ZCCHC10: variants seen among roughly 807,000 people sequenced by gnomAD.
ZCCHC10 encodes zinc finger CCHC-type containing 10.
ZCCHC10 carries 16 observed loss-of-function variants against 19.5 expected under a neutral mutation model. The ratio of observed to expected loss-of-function variants is 0.82; its 90% confidence interval spans 0.56 to 1.25. The LOEUF (loss-of-function observed/expected upper bound fraction) is 1.25. ZCCHC10 is among the 50% of genes most tolerant of loss of function. The probability of loss-of-function intolerance (pLI) is 0.00; values close to 1 mark genes in which losing one functional copy is unlikely to be tolerated. For synonymous variants in ZCCHC10, 67 were observed against 72.5 expected, an observed-to-expected ratio of 0.92 and a Z score of 0.38; for missense variants, 197 against 201.0, an observed-to-expected ratio of 0.98 and a Z score of 0.12.
At chr5:133,022,133 C>A (rs939628744) in intron 2 of ZCCHC10, among the ~76,000 whole-genome samples, 6 of 152,154 alleles carry the variant, frequency 3.9e-5, no homozygotes, top group Admixed American at 3.9e-4. Context: ...CTTTTTGACT[C>A]TTTTGTAATA....
At chr5:133,000,849 G>C (rs1173903499) in intron 3 of ZCCHC10, among the ~76,000 whole-genome samples, 1 of 151,378 alleles carries the variant, frequency 6.6e-6, no homozygotes, top group Non-Finnish European at 1.5e-5. Context: ...TATCATACTG[G>C]CCAGGCTGGT....
chr5:133,016,102 A>G (rs191615621), intron 2 of ZCCHC10, among the ~76,000 whole-genome samples: 18 of 152,152 alleles, frequency 1.2e-4, no homozygotes, highest in Admixed American at 1.3e-4. Context: ...GATTTCTGGT[A>G]CAACAACAAA....
chr5:133,019,332 TGA>T (rs1764140220), intron 2 of ZCCHC10: 1 of 222,414 alleles, frequency 4.5e-6, no homozygotes, highest in Non-Finnish European at 9.2e-6. Flanking sequence ...TAAAGATTGC[TGA>T]GTTAGACAAA....
At chr5:133,008,174 G>C (rs1216982950) in intron 2 of ZCCHC10, among the ~76,000 whole-genome samples, 2 of 147,350 alleles carry the variant, frequency 1.4e-5, no homozygotes, top group African/African-American at 5.1e-5. Context: ...GCAGTGAGCC[G>C]AGATTGCGCC....
At chr5:133,015,978 T>C (rs1338455281) in intron 2 of ZCCHC10, among the ~76,000 whole-genome samples, 4 of 152,250 alleles carry the variant, frequency 2.6e-5, no homozygotes, top group East Asian at 3.8e-4. Context: ...TTATAATCCA[T>C]CACCATCTTT....
intron 1 of ZCCHC10, among the ~76,000 whole-genome samples, chr5:133,024,125 T>A (rs1445584055): frequency 6.6e-6 from 1 of 152,218 alleles, no homozygotes; most frequent in Non-Finnish European, 1.5e-5. Context: ...ACAGACATAT[T>A]GTAGATATAA....
chr5:133,017,812 A>C (rs1764021354), intron 2 of ZCCHC10, among the ~76,000 whole-genome samples: 1 of 152,210 alleles, frequency 6.6e-6, no homozygotes, highest in African/African-American at 2.4e-5. Flanking sequence ...GATAGACTCA[A>C]AACAATCCAA....
chr5:133,021,879 C>T (rs1056137677), intron 2 of ZCCHC10, among the ~76,000 whole-genome samples: 6 of 150,898 alleles, frequency 4.0e-5, no homozygotes, highest in Admixed American at 3.3e-4. Context: ...CTGCAACCTC[C>T]GCCTCCCAGG....
intron 2 of ZCCHC10, among the ~76,000 whole-genome samples, chr5:133,012,892 T>C (rs1763650926): frequency 6.6e-6 from 1 of 151,456 alleles, no homozygotes; most frequent in Admixed American, 6.6e-5. Flanking sequence ...CTATTAAAAA[T>C]ACAAAAAAAT....
chr5:133,005,289 C>T (rs1238479894), intron 3 of ZCCHC10, among the ~76,000 whole-genome samples: 1 of 151,468 alleles, frequency 6.6e-6, no homozygotes. Flanking sequence ...GAGCAAGACT[C>T]TGTCTCAAAA....
At chr5:133,000,534 A>G (rs1762701641) in intron 3 of ZCCHC10, among the ~76,000 whole-genome samples, 1 of 152,168 alleles carries the variant, frequency 6.6e-6, no homozygotes, top group African/African-American at 2.4e-5. Flanking sequence ...CAATAGCCCT[A>G]ATTTGTAGTT....
intron 3 of ZCCHC10, chr5:133,003,340 T>C: frequency 2.5e-6 from 1 of 392,854 alleles, no homozygotes; most frequent in South Asian, 2.0e-5. Flanking sequence ...TACAGCAAAT[T>C]GAAGAAAGAA....
At position 132,997,427 on chromosome 5, in the gene ZCCHC10, G is replaced by T. The variant is rs1203246603; in HGVS notation, c.*1156C>A. ...ATACCTCTTTCCAAAAAGTTAAAAA[G>T]ACATCACAGAATACTGTGATGTTAA... is the stretch of plus-strand genomic sequence containing the variant. On this transcript the variant is annotated 3_prime_UTR_variant, in exon 5 of 5. Coordinates refer to ENST00000509437, the MANE Select transcript of ZCCHC10 (RefSeq NM_001300816.3). 6.6e-6 allele frequency: 1 copy of T among 151,968 alleles called. No homozygotes were observed. Among genetic ancestry groups the T allele is most frequent in the Non-Finnish European group, 1.5e-5 (1 of 67,972 alleles). The allele number at this position is 151,968 out of a possible 1,614,324, so 9.4% of individuals were successfully genotyped here. A position where few individuals can be genotyped will look rare whatever the true frequency, so the allele number is the denominator to read the frequency against.
At chr5:133,025,365 A>G (rs1764606304) in intron 1 of ZCCHC10, among the ~76,000 whole-genome samples, 1 of 151,716 alleles carries the variant, frequency 6.6e-6, no homozygotes, top group Non-Finnish European at 1.5e-5. Context: ...CCAGCCGGGC[A>G]TGGTGGCGGG....
intron 2 of ZCCHC10, chr5:133,011,204 G>C (rs1435200963): frequency 6.6e-6 from 1 of 151,602 alleles, no homozygotes; most frequent in Non-Finnish European, 1.5e-5. Flanking sequence ...CTCCTGCTTT[G>C]GCCTCCCAGA....
intron 2 of ZCCHC10, among the ~76,000 whole-genome samples, chr5:133,018,527 G>A (rs1486300334): frequency 1.3e-5 from 2 of 151,982 alleles, no homozygotes; most frequent in African/African-American, 4.8e-5. Context: ...AGCCTCCCAA[G>A]TAGCTAGGAC....
intron 2 of ZCCHC10, among the ~76,000 whole-genome samples, chr5:133,021,272 G>A (rs886101632): frequency 3.3e-5 from 5 of 152,118 alleles, no homozygotes; most frequent in South Asian, 4.1e-4. Context: ...CTTGTGATCC[G>A]CCCACCTCAG....
At chr5:133,023,374 C>A (rs1462671150) in intron 1 of ZCCHC10, among the ~76,000 whole-genome samples, 1 of 151,662 alleles carries the variant, frequency 6.6e-6, no homozygotes, top group East Asian at 1.9e-4. Flanking sequence ...ATTTAGTAGA[C>A]TGACTAGTTA....
At chr5:133,007,250 T>C (rs1323509115) in intron 2 of ZCCHC10, among the ~76,000 whole-genome samples, 1 of 152,026 alleles carries the variant, frequency 6.6e-6, no homozygotes, top group Non-Finnish European at 1.5e-5. Flanking sequence ...GTTTTAAAAA[T>C]AGGAGTTTCC....
Sources: gnomAD v4.1 joint callset for allele counts (sites outside exome capture counted in the v4.1 genomes callset) on GRCh38, gnomAD v4.1.1 for gene constraint, MANE v1.5 for transcripts, NCBI Gene and HGNC (gene_info 2026-07-23, HGNC 2026-07-21) for gene names.